Variants in SASH1 observed in about 807,000 individuals in gnomAD.
SASH1 encodes the protein SAM and SH3 domain-containing protein 1.
In SASH1, 44 loss-of-function variants were observed where a neutral mutation model predicts 125.2. The observed-to-expected ratio is 0.35, with a 90% confidence interval of 0.28 to 0.45. The LOEUF (loss-of-function observed/expected upper bound fraction) is 0.45, where lower values mean the gene tolerates loss of function less well. Ranked by LOEUF, SASH1 falls within the 20% of genes least tolerant of loss-of-function variation. The pLI, the probability that SASH1 is intolerant of heterozygous loss-of-function variation, is 1.00. For synonymous variants in SASH1, 639 were observed against 649.1 expected, an observed-to-expected ratio of 0.98 and a Z score of 0.24; for missense variants, 1,426 against 1,614.5, an observed-to-expected ratio of 0.88 and a Z score of 2.00.
At chr6:148,262,116 A>G in the SASH1 span, among the ~76,000 whole-genome samples, 694 of 151,940 alleles carry the variant, frequency 4.6e-3, 7 homozygotes, top group African/African-American at 0.016. Context: ...ACACACACAC[A>G]CACGCACGGG....
At chr6:148,486,358 T>G (rs1778841609) in intron 7 of SASH1, among the ~76,000 whole-genome samples, 2 of 152,142 alleles carry the variant, frequency 1.3e-5, no homozygotes, top group Admixed American at 1.3e-4. Context: ...TGACCTCAGG[T>G]GATCCACCTC....
chr6:148,286,523 C>A (rs1779487321), intron 1 of SASH1, among the ~76,000 whole-genome samples: 1 of 152,114 alleles, frequency 6.6e-6, no homozygotes, highest in African/African-American at 2.4e-5. Context: ...GTCCCAGAGG[C>A]TTGAAGTTGG....
rs1040995100 is a variant in SASH1, at chr6:148,532,330, A to G, written c.1565-467A>G. Among the ~76,000 whole-genome samples, 3 of 152,142 alleles carry G rather than the reference A, an allele frequency of 2.0e-5. No homozygotes were observed. The highest frequency in any genetic ancestry group is 4.4e-5 in the Non-Finnish European group (3 of 68,036). On this transcript the variant is annotated intron_variant, in intron 13 of 19. Transcript: ENST00000367467. This position sits in a 1 kb window ranked among gnomAD's most constrained non-coding sequence, Gnocchi z 4.7. ...CGATCTGCCCACCTCGGCCTCCTAAAGTGCTGGGATTATAGGCGTGAGCCA... is the reference window on the plus strand; with the variant it reads ...CGATCTGCCCACCTCGGCCTCCTAAGGTGCTGGGATTATAGGCGTGAGCCA...
At chr6:148,271,052 G>A (rs373653207), upstream of SASH1, among the ~76,000 whole-genome samples, 2 of 152,172 alleles carry the variant, frequency 1.3e-5, no homozygotes, top group South Asian at 2.1e-4. Flanking sequence ...TGGGATTACA[G>A]GCGCCCGCCA....
intron 1 of SASH1, among the ~76,000 whole-genome samples, chr6:148,333,241 A>T (rs1228821029): frequency 1.3e-5 from 2 of 151,728 alleles, no homozygotes; most frequent in Non-Finnish European, 2.9e-5. Flanking sequence ...TGTCTACAAA[A>T]AATAATAATA....
chr6:148,375,280 C>A (rs111620620), intron 1 of SASH1, among the ~76,000 whole-genome samples: 6 of 152,256 alleles, frequency 3.9e-5, no homozygotes, highest in African/African-American at 1.4e-4. Flanking sequence ...GCATGAGCCA[C>A]CACACCTGGC....
intron 1 of SASH1, among the ~76,000 whole-genome samples, chr6:148,288,608 C>T (rs1484899394): frequency 6.6e-6 from 1 of 152,056 alleles, no homozygotes; most frequent in Non-Finnish European, 1.5e-5. Flanking sequence ...GAATATGTGA[C>T]TTCTATCATT....
At chr6:148,257,782 C>T in the SASH1 span, among the ~76,000 whole-genome samples, 1 of 152,048 alleles carries the variant, frequency 6.6e-6, no homozygotes, top group South Asian at 2.1e-4. Flanking sequence ...AGGCACGTGC[C>T]ACCACGCCCA....
At chr6:148,548,261 G>A (rs1562507991) in intron 19 of SASH1, 34 bp from the exon 20 acceptor site, 7 of 1,576,792 alleles carry the variant, frequency 4.4e-6, no homozygotes, top group Non-Finnish European at 6.0e-6. Context: ...GACACATGGA[G>A]CGTTTCTATC....
At chr6:148,247,136 G>A in the SASH1 span, among the ~76,000 whole-genome samples, 5 of 152,162 alleles carry the variant, frequency 3.3e-5, no homozygotes, top group Admixed American at 3.3e-4. Flanking sequence ...CTTGGCATAG[G>A]TGAAGATTGT....
Position 148,534,746 on chromosome 6 carries a change from C to T in SASH1, c.1945-5C>T. 7 of 1,614,160 alleles carry T rather than the reference C, an allele frequency of 4.3e-6. No homozygotes were observed. Among genetic ancestry groups the T allele is most frequent in the Non-Finnish European group, 5.9e-6 (7 of 1,179,990 alleles). On this transcript the variant is annotated splice_region_variant and splice_polypyrimidine_tract_variant and intron_variant, in intron 15 of 19. Transcript: ENST00000367467. ...ACCCTTCTGTCTTCCTTCTCCCTCT[C>T]ACAGGAGCACATGCCCACTTTCCTG...
At chr6:148,229,133 CAAAAAAAA>C in the SASH1 span, among the ~76,000 whole-genome samples, 2 of 60,972 alleles carry the variant, frequency 3.3e-5, no homozygotes, top group African/African-American at 6.6e-5. Flanking sequence ...GACTCCATCT[CAAAAAAAA>C]AAAAAAAAAA....
intron 2 of SASH1, 22 bp downstream of exon 2, chr6:148,390,284 A>G: frequency 3.1e-6 from 5 of 1,606,872 alleles, no homozygotes; most frequent in African/African-American, 1.3e-5. Context: ...TCCTGGGAAT[A>G]TGCTTCTGTG....
intron 4 of SASH1, among the ~76,000 whole-genome samples, chr6:148,468,055 A>G (rs1777928241): frequency 1.3e-5 from 2 of 152,172 alleles, no homozygotes; most frequent in Non-Finnish European, 2.9e-5. Context: ...CGCCCCCTTT[A>G]TTAGGGACAC....
At chr6:148,488,233 A>T (rs1282366417) in intron 8 of SASH1, among the ~76,000 whole-genome samples, 1 of 152,224 alleles carries the variant, frequency 6.6e-6, no homozygotes, top group Non-Finnish European at 1.5e-5. Context: ...TGTAAGTGGA[A>T]TTATACAATA....
chr6:148,298,812 AAGAG>A (rs202162353), intron 1 of SASH1, among the ~76,000 whole-genome samples: 2,480 of 144,048 alleles, frequency 0.017, 70 homozygotes, highest in African/African-American at 0.06. Flanking sequence ...AGAAAGAAAA[AAGAG>A]AGGGAGGGAA....
intron 1 of SASH1, among the ~76,000 whole-genome samples, chr6:148,387,671 T>G (rs556175769): frequency 1.1e-4 from 12 of 112,488 alleles, no homozygotes; most frequent in African/African-American, 4.5e-4. Context: ...TTTCTTTCTT[T>G]CTTTCTTTCT....
chr6:148,397,832 T>C (rs1362110230), intron 2 of SASH1, among the ~76,000 whole-genome samples: 3 of 152,228 alleles, frequency 2.0e-5, no homozygotes, highest in African/African-American at 4.8e-5. Flanking sequence ...GAGTCTGTCA[T>C]GTGGGATTTT....
chr6:148,391,422 TAAAAAAAA>T (rs398038813), intron 2 of SASH1, among the ~76,000 whole-genome samples: 1 of 114,440 alleles, frequency 8.7e-6, no homozygotes, highest in Non-Finnish European at 1.8e-5. Context: ...GACACTTTTA[TAAAAAAAA>T]AAAAAAAAAA....
Sources: allele counts gnomAD v4.1 joint callset (sites outside exome capture counted in the v4.1 genomes callset), GRCh38; gene constraint gnomAD v4.1.1; non-coding constraint Gnocchi (gnomAD v3.1); transcripts MANE v1.5; gene names NCBI Gene and HGNC (gene_info 2026-07-23, HGNC 2026-07-21).